The following RBM39 variants were observed in gnomAD, a reference collection of about 807,000 sequenced individuals.
The protein encoded by RBM39 is RNA-binding protein 39.
RBM39 carries 12 observed loss-of-function variants against 79.6 expected under a neutral mutation model. The observed-to-expected ratio is 0.15, with a 90% confidence interval of 0.10 to 0.24. The LOEUF is 0.24. Among genes scored for constraint, RBM39 ranks in the 10% least tolerant of loss-of-function variants. RBM39 has a pLI of 1.00. For missense variants in RBM39, 243 were observed against 653.4 expected, an observed-to-expected ratio of 0.37 and a Z score of 6.85; for synonymous variants, 185 against 208.4, an observed-to-expected ratio of 0.89 and a Z score of 0.97.
At chr20:35,709,723 G>A (rs1371968510) in intron 12 of RBM39, among the ~76,000 whole-genome samples, 1 of 152,128 alleles carries the variant, frequency 6.6e-6, no homozygotes, top group East Asian at 1.9e-4. Flanking sequence ...TCAAAAAGCT[G>A]TAACAGTTTC....
Position 35,732,097 on chromosome 20 carries a change from C to G in RBM39, c.140G>C (p.Arg47Pro). ...KSKSRSRSHERKRSKSKERKR... is the reference protein window; with the variant it reads ...KSKSRSRSHEPKRSKSKERKR... ...CCGTTCCTTACTTTTGCTTCTCTTT[C>G]GTTCATGACTACGACTTCTGCTCTT... The change falls in exon 4 of 17, where the codon CGA (arginine) becomes CCA (proline). Residue 47 changes from arginine to proline, a missense_variant. Physicochemically the swap from Arg to Pro is moderately radical, Grantham distance 103. Around this residue, in one of 4 missense-constraint regions of RBM39, gnomAD observed 115 missense variants for 184.1 expected, o/e 0.62. Coordinates refer to ENST00000253363, the MANE Select transcript of RBM39 (RefSeq NM_184234.3). 1 of 1,613,974 alleles carries G rather than the reference C, an allele frequency of 6.2e-7. No homozygotes were observed. The highest frequency in any genetic ancestry group is 8.5e-7 in the Non-Finnish European group (1 of 1,180,016).
intron 3 of RBM39, among the ~76,000 whole-genome samples, chr20:35,733,807 T>A (rs1449956447): frequency 6.6e-6 from 1 of 152,146 alleles, no homozygotes; most frequent in Non-Finnish European, 1.5e-5. Context: ...CAGACCTTTT[T>A]AAAATCTCTA....
intron 3 of RBM39, chr20:35,732,487 C>T (rs1383512136): frequency 1.3e-5 from 3 of 223,870 alleles, no homozygotes; most frequent in East Asian, 1.0e-4. Flanking sequence ...ACCCGGGAAG[C>T]GGAGGTTGCA....
chr20:35,709,375 G>T (rs1482396124), intron 12 of RBM39, 101 bp from the exon 13 acceptor site: 5 of 993,812 alleles, frequency 5.0e-6, no homozygotes, highest in Non-Finnish European at 7.3e-6. Flanking sequence ...TCATTCAAAT[G>T]CACTTAGTAA....
Position 35,703,531 on chromosome 20 carries a change from TG to T in RBM39, c.*949del, listed in dbSNP as rs1884444743. 6.6e-6 allele frequency: 1 copy of T among 152,440 alleles called. No individual in the cohort carries two copies. Among genetic ancestry groups the T allele is most frequent in the South Asian group, 2.1e-4 (1 of 4,834 alleles). The allele number at this position is 152,440 out of a possible 1,614,324, so 9.4% of individuals were successfully genotyped here. On this transcript the variant is annotated 3_prime_UTR_variant, in exon 17 of 17. Coordinates refer to ENST00000253363, the MANE Select transcript of RBM39 (RefSeq NM_184234.3). Reference sequence around the variant, plus strand: ...GAACATTTTCCCAAGAGGCAAGTACTGAATTGAGACTAAAAGAAGCTAATTC... The same window carrying T: ...GAACATTTTCCCAAGAGGCAAGTACTAATTGAGACTAAAAGAAGCTAATTC...
rs374369555 is a variant in RBM39 at position 35,737,453 on chromosome 20, G to C, written c.101+1515C>G. On this transcript the variant is annotated intron_variant, in intron 3 of 16. Coordinates refer to ENST00000253363, the MANE Select transcript of RBM39 (RefSeq NM_184234.3). ...CAGGAACCTGTAATCCCAGCTACTC[G>C]GGAGGCTGAGGCAGGAGAACTGCCT... Among the ~76,000 whole-genome samples, 10 of 151,552 alleles carry C rather than the reference G, an allele frequency of 6.6e-5. No homozygotes were observed. In the South Asian group the frequency reaches 2.1e-3, roughly 32 times the overall value.
intron 11 of RBM39, 80 bp from the exon 12 acceptor site, chr20:35,713,176 A>T: frequency 8.2e-7 from 1 of 1,226,710 alleles, no homozygotes; most frequent in South Asian, 1.3e-5. Flanking sequence ...TATCATGATC[A>T]CTTCACTAAA....
intron 11 of RBM39, chr20:35,713,307 G>T: frequency 2.3e-6 from 1 of 434,016 alleles, no homozygotes; most frequent in South Asian, 3.5e-5. Context: ...GGCAACAATT[G>T]TGAAACTCTC....
At chr20:35,720,316 A>ACAATGC (rs1384680685) in intron 9 of RBM39, among the ~76,000 whole-genome samples, 1 of 152,168 alleles carries the variant, frequency 6.6e-6, no homozygotes, top group African/African-American at 2.4e-5. Flanking sequence ...GCTCAAGACC[A>ACAATGC]CAATGCCAGA....
chr20:35,728,008 G>A (rs1421317340), intron 6 of RBM39, among the ~76,000 whole-genome samples: 3 of 152,004 alleles, frequency 2.0e-5, no homozygotes, highest in Non-Finnish European at 4.4e-5. Context: ...GGCTGGTCTC[G>A]ATCTCTTGAC....
At chr20:35,727,642 A>ATT (rs1172197533) in intron 6 of RBM39, among the ~76,000 whole-genome samples, 4 of 138,434 alleles carry the variant, frequency 2.9e-5, no homozygotes, top group African/African-American at 1.2e-4. Context: ...TGCCCAGCTA[A>ATT]TTTTTGTATT....
At chr20:35,705,416 T>A (rs2035596398) in intron 14 of RBM39, 86 bp from the exon 15 acceptor site, 1 of 764,668 alleles carries the variant, frequency 1.3e-6, no homozygotes, top group African/African-American at 1.9e-5. Flanking sequence ...TTAAATATTC[T>A]ATGAATTAAA....
Position 35,731,985 on chromosome 20 carries a change from T to C in RBM39, c.252A>G (p.Ser84=). ...CTCTAAATCTTCGATCTCGACTTCTTGAGCGGCTCCGTCGCCTCTCTTTGC... is the reference window on the plus strand; with the variant it reads ...CTCTAAATCTTCGATCTCGACTTCTCGAGCGGCTCCGTCGCCTCTCTTTGC... The part of the protein sequence containing the change: ...SRSKERRRSR[S]RSRDRRFRGR... The change falls in exon 4 of 17, where the codon TCA becomes TCG. Residue 84 remains serine, a synonymous_variant. Transcript: ENST00000253363. The C allele has an allele frequency of 1.2e-6, 2 of 1,614,212 alleles. No homozygotes were observed. The highest frequency in any genetic ancestry group is 8.5e-7 in the Non-Finnish European group (1 of 1,180,042).
At chr20:35,727,821 T>C (rs2146656327) in intron 6 of RBM39, among the ~76,000 whole-genome samples, 1 of 152,284 alleles carries the variant, frequency 6.6e-6, no homozygotes, top group Admixed American at 6.5e-5. Flanking sequence ...AGCTAATTTT[T>C]TGTATTTTTT....
At chr20:35,725,516 G>C (rs1171889754) in intron 6 of RBM39, among the ~76,000 whole-genome samples, 1 of 152,138 alleles carries the variant, frequency 6.6e-6, no homozygotes, top group Non-Finnish European at 1.5e-5. Context: ...CCTGACCTCA[G>C]ATGATCCGCC....
At position 35,724,972 on chromosome 20, in the gene RBM39, T is replaced by C. The variant is rs1445156170; in HGVS notation, c.534+66A>G. The C allele has an allele frequency of 2.5e-6, 3 of 1,176,746 alleles. No individual in the cohort carries two copies. The Admixed American group carries it at 6.1e-5, about 24-fold the overall frequency. The allele number at this position is 1,176,746 out of a possible 1,614,324, so 72.9% of individuals were successfully genotyped here. On this transcript the variant is annotated intron_variant, in intron 7 of 16. Transcript: ENST00000253363. ...ACTGCTACTAAATCAAATGAAGTAT[T>C]TGATGTTTACATGTTTTCTCTTGCA...
chr20:35,704,378 A>C lies in RBM39; in HGVS notation c.*103T>G. ...GGTAACAGGAAATTGCATACAAATG[A>C]CAGTAGATCCTTGCCTCTTTATTTT... On this transcript the variant is annotated 3_prime_UTR_variant, in exon 17 of 17. Coordinates refer to ENST00000253363, the MANE Select transcript of RBM39 (RefSeq NM_184234.3). 1 of 814,070 alleles carries C rather than the reference A, an allele frequency of 1.2e-6. No individual in the cohort carries two copies. The highest frequency in any genetic ancestry group is 1.9e-6 in the Non-Finnish European group (1 of 519,752). 50.4% of individuals were successfully genotyped at this position (814,070 alleles called of 1,614,324 possible). A position where few individuals can be genotyped will look rare whatever the true frequency, so the allele number is the denominator to read the frequency against.
rs572102658 is a variant in RBM39 at position 35,741,030 on chromosome 20, CTTTTTTTTTTT to C, written c.-13-154_-13-144del. On this transcript the variant is annotated intron_variant, in intron 1 of 16. Transcript: ENST00000253363. ...GACGATTCCGTGAGTAAACATTTTT[CTTTTTTTTTTT>C]TTTTTTTTTTGAGACGGAGTTTCGC... The C allele has an allele frequency of 5.5e-5, 7 of 127,304 alleles. 1 individual carries two copies. The highest frequency in any genetic ancestry group is 5.7e-4 in the East Asian group (2 of 3,538). 7.9% of individuals were successfully genotyped at this position (127,304 alleles called of 1,614,324 possible). A position where few individuals can be genotyped will look rare whatever the true frequency, so the allele number is the denominator to read the frequency against.
chr20:35,708,984 T>C (rs1376898398), intron 13 of RBM39: 7 of 384,110 alleles, frequency 1.8e-5, no homozygotes, highest in Non-Finnish European at 3.3e-5. Flanking sequence ...AGGTTGAAAA[T>C]TTTAAGCAAA....
Sources: gnomAD v4.1 joint callset for allele counts (sites outside exome capture counted in the v4.1 genomes callset) on GRCh38, gnomAD v4.1.1 for gene constraint, gnomAD v4.1.1 regional missense constraint, MANE v1.5 for transcripts, NCBI Gene and HGNC (gene_info 2026-07-23, HGNC 2026-07-21) for gene names.